CAMK1D: variants seen among roughly 807,000 people sequenced by gnomAD.
The protein encoded by CAMK1D is calcium/calmodulin dependent protein kinase ID.
In CAMK1D, 9 loss-of-function variants were observed where a neutral mutation model predicts 47.7. That is an observed-to-expected ratio of 0.19 (90% CI 0.11 to 0.33). CAMK1D has a LOEUF of 0.33. Among genes scored for constraint, CAMK1D ranks in the 10% least tolerant of loss-of-function variants. The pLI is 1.00. For missense variants in CAMK1D, 291 were observed against 488.7 expected, an observed-to-expected ratio of 0.60 and a Z score of 3.81; for synonymous variants, 184 against 184.9, an observed-to-expected ratio of 0.99 and a Z score of 0.04.
rs200753252 is a variant in CAMK1D, at chr10:12,749,550, TTTTG to T, written c.300-11374_300-11371del. Among the ~76,000 whole-genome samples, 502 of 135,610 alleles carry T rather than the reference TTTTG, an allele frequency of 3.7e-3. 9 individuals are homozygous for T. Among genetic ancestry groups the T allele is most frequent in the East Asian group, 0.028 (133 of 4,684 alleles). The allele number at this position is 135,610 out of a possible 152,430, so 89.0% of individuals were successfully genotyped here. On this transcript the variant is annotated intron_variant, in intron 3 of 10. Coordinates refer to ENST00000619168, the MANE Select transcript of CAMK1D (RefSeq NM_153498.4). ...ATGTTTGTTTGTTTGTTTGTTTGTT[TTTTG>T]TTTGTTTGTTTGTTTGTTTGTTTTG...
chr10:12,681,150 A>G (rs1420058757), intron 3 of CAMK1D, among the ~76,000 whole-genome samples: 2 of 152,194 alleles, frequency 1.3e-5, no homozygotes, highest in Non-Finnish European at 2.9e-5. Flanking sequence ...GTTAAGCAGC[A>G]CAGCCCCACG....
intron 1 of CAMK1D, among the ~76,000 whole-genome samples, chr10:12,471,081 G>A (rs1833732992): frequency 6.6e-6 from 1 of 151,876 alleles, no homozygotes; most frequent in Non-Finnish European, 1.5e-5. Context: ...TTTCCTCCAT[G>A]CTTTTTTCTA....
rs1836647899 is a variant in CAMK1D, at chr10:12,553,285, G to T, written c.153G>T (p.Val51=). 1.9e-6 allele frequency: 3 copies of T among 1,614,196 alleles called. No homozygotes were observed. Among genetic ancestry groups the T allele is most frequent in the Middle Eastern group, 1.6e-4 (1 of 6,062 alleles). ...AGGCAACTGGCAAGCTCTTTGCTGT[G>T]AAGTGTATCCCTAAGAAGGCGCTGA... ...EEKATGKLFA[V]KCIPKKALKG... Residue 51 remains valine, a synonymous_variant, in exon 2 of 11, where the codon GTG becomes GTT. Transcript: ENST00000619168.
chr10:12,752,899 T>C (rs1426478164), intron 3 of CAMK1D, among the ~76,000 whole-genome samples: 1 of 152,230 alleles, frequency 6.6e-6, no homozygotes, highest in Non-Finnish European at 1.5e-5. Context: ...TCTCTTCCAC[T>C]TGTCATGTAC....
intron 2 of CAMK1D, among the ~76,000 whole-genome samples, chr10:12,589,195 G>A (rs1837924676): frequency 6.6e-6 from 1 of 152,120 alleles, no homozygotes; most frequent in Non-Finnish European, 1.5e-5. Context: ...TAATTTTTTT[G>A]TAGAGATGGG....
At chr10:12,765,958 C>CTTTTTTTT (rs147498267) in intron 4 of CAMK1D, among the ~76,000 whole-genome samples, 1 of 86,504 alleles carries the variant, frequency 1.2e-5, no homozygotes, top group Admixed American at 1.4e-4. Flanking sequence ...CCATCCTAAT[C>CTTTTTTTT]TTTTTTTTTT....
chr10:12,432,397 T>C (rs1050998437), intron 1 of CAMK1D, among the ~76,000 whole-genome samples: 1 of 152,214 alleles, frequency 6.6e-6, no homozygotes, highest in African/African-American at 2.4e-5. Context: ...TTGAAGACTT[T>C]TGCTTTCCCA....
At chr10:12,387,427 TTATATATTATATATATTTTATA>T (rs1220983251) in intron 1 of CAMK1D, among the ~76,000 whole-genome samples, 1 of 62,668 alleles carries the variant, frequency 1.6e-5, no homozygotes, top group East Asian at 4.4e-4. Flanking sequence ...TTTATATATT[TTATATATTATATATATTTTATA>T]TATATATATA....
At chr10:12,577,582 AT>A (rs937869077) in intron 2 of CAMK1D, among the ~76,000 whole-genome samples, 1 of 151,622 alleles carries the variant, frequency 6.6e-6, no homozygotes, top group Non-Finnish European at 1.5e-5. Flanking sequence ...CAAATAGGAG[AT>A]TTTTTTTTGT....
At chr10:12,473,241 G>A (rs11591303) in intron 1 of CAMK1D, among the ~76,000 whole-genome samples, 8,998 of 152,178 alleles carry the variant, frequency 0.059, 307 homozygotes, top group Non-Finnish European at 0.077. Context: ...AAAGTAGGCT[G>A]TGGCCACATC....
chr10:12,563,866 G>A (rs771990907), intron 2 of CAMK1D, among the ~76,000 whole-genome samples: 7 of 152,174 alleles, frequency 4.6e-5, no homozygotes, highest in Non-Finnish European at 7.3e-5. Flanking sequence ...CCAGTGTTGC[G>A]TCTTTGCATG....
chr10:12,567,638 A>C (rs552126770), intron 2 of CAMK1D, among the ~76,000 whole-genome samples: 20 of 152,342 alleles, frequency 1.3e-4, no homozygotes, highest in African/African-American at 4.6e-4. Context: ...GTTTAGAGCC[A>C]AGTGATAATG....
At chr10:12,352,336 G>A (rs1248149891) in intron 1 of CAMK1D, among the ~76,000 whole-genome samples, 3 of 152,166 alleles carry the variant, frequency 2.0e-5, no homozygotes, top group Non-Finnish European at 4.4e-5. Context: ...TGGGCTGGGC[G>A]TGGTGGCTCA....
rs991320717 is a variant in CAMK1D, at chr10:12,423,076, G to A, written c.92+73166G>A. 3.9e-5 allele frequency among the ~76,000 whole-genome samples: 6 copies of A among 152,176 alleles called. No homozygotes were observed. In the South Asian group the frequency reaches 6.2e-4, roughly 16 times the overall value. ...ACTTGGGCTTGTATCTAGAAAGCAC[G>A]CGATGTTTTTATGATGCAGAATAAA... On this transcript the variant is annotated intron_variant, in intron 1 of 10. Transcript: ENST00000619168.
intron 3 of CAMK1D, among the ~76,000 whole-genome samples, chr10:12,729,515 G>A (rs908634717): frequency 6.6e-6 from 1 of 152,108 alleles, no homozygotes; most frequent in Non-Finnish European, 1.5e-5. Context: ...GTGTGCACTT[G>A]TAGTCCCAGC....
Position 12,801,354 on chromosome 10 carries a change from T to TAATCTATCTATCTATC in CAMK1D, c.641+10121_641+10122insAATCTATCTATCTATC, listed in dbSNP as rs57429397. ...CTATCTATCTATCTATCTATCTATC[T>TAATCTATCTATCTATC]TATCTATCTATCTATCTATCTATCT... On this transcript the variant is annotated intron_variant, in intron 6 of 10. Transcript: ENST00000619168. Among the ~76,000 whole-genome samples, 93 of 66,558 alleles carry TAATCTATCTATCTATC rather than the reference T, an allele frequency of 1.4e-3. No homozygotes were observed. In the East Asian group the frequency reaches 0.021, roughly 15 times the overall value. The allele number at this position is 66,558 out of a possible 152,430, so 43.7% of individuals were successfully genotyped here.
At chr10:12,618,738 C>T (rs911743054) in intron 2 of CAMK1D, among the ~76,000 whole-genome samples, 2 of 152,094 alleles carry the variant, frequency 1.3e-5, no homozygotes, top group Non-Finnish European at 1.5e-5. Context: ...AGACTCTTCT[C>T]AAGAAGTTTA....
At chr10:12,534,186 C>T (rs968431012) in intron 1 of CAMK1D, among the ~76,000 whole-genome samples, 3 of 151,998 alleles carry the variant, frequency 2.0e-5, no homozygotes, top group African/African-American at 7.3e-5. Flanking sequence ...ATCTATCTAT[C>T]TGTCTATCTA....
At chr10:12,784,943 G>T (rs17497819) in intron 5 of CAMK1D, among the ~76,000 whole-genome samples, 29,195 of 152,144 alleles carry the variant, frequency 0.19, 3,016 homozygotes, top group Non-Finnish European at 0.23. Context: ...TTGACAGTGG[G>T]ATTTATGCAG....
Sources: gnomAD v4.1 joint callset for allele counts (sites outside exome capture counted in the v4.1 genomes callset) on GRCh38, gnomAD v4.1.1 for gene constraint, MANE v1.5 for transcripts, NCBI Gene and HGNC (gene_info 2026-07-23, HGNC 2026-07-21) for gene names.